RYR2: variants seen among roughly 807,000 people sequenced by gnomAD.
RYR2 encodes the protein ryanodine receptor 2, also known as cardiac muscle ryanodine receptor-calcium release channel.
Under a neutral mutation model 601.1 loss-of-function variants are expected in RYR2, and 227 were observed. The observed-to-expected ratio is 0.38, with a 90% CI of 0.34 to 0.42. The LOEUF is 0.42. Among genes scored for constraint, RYR2 ranks in the 10% least tolerant of loss-of-function variants. The pLI, the probability that RYR2 is intolerant of heterozygous loss-of-function variation, is 1.00. For synonymous variants in RYR2, 2,223 were observed against 2,175.1 expected, an observed-to-expected ratio of 1.02 and a Z score of -0.61; for missense variants, 4,646 against 6,156.5, an observed-to-expected ratio of 0.75 and a Z score of 8.21.
chr1:237,135,897 G>A (rs1451802905), intron 1 of RYR2, among the ~76,000 whole-genome samples: 1 of 152,196 alleles, frequency 6.6e-6, no homozygotes, highest in Non-Finnish European at 1.5e-5. Flanking sequence ...GTGTGCAGGG[G>A]CATTAGTCTG....
chr1:237,736,189 G>A (rs1691125133), intron 79 of RYR2, among the ~76,000 whole-genome samples: 1 of 152,012 alleles, frequency 6.6e-6, no homozygotes, highest in Non-Finnish European at 1.5e-5. Context: ...GGCTGGGCAC[G>A]GTGGCTCACA....
At chr1:237,139,840 G>T (rs1269200403) in intron 1 of RYR2, among the ~76,000 whole-genome samples, 1 of 152,226 alleles carries the variant, frequency 6.6e-6, no homozygotes, top group Non-Finnish European at 1.5e-5. Context: ...CTATGGTACT[G>T]AAACTATGGT....
intron 1 of RYR2, among the ~76,000 whole-genome samples, chr1:237,099,077 C>A (rs560537672): frequency 4.1e-4 from 61 of 148,162 alleles, no homozygotes; most frequent in African/African-American, 1.4e-3. Flanking sequence ...TAAAGATCAT[C>A]TTTCAGCAGT....
chr1:237,336,992 T>C (rs1327486370), intron 3 of RYR2, among the ~76,000 whole-genome samples: 2 of 152,122 alleles, frequency 1.3e-5, no homozygotes, highest in Non-Finnish European at 2.9e-5. Flanking sequence ...GGCTCACACC[T>C]GTCATCCCAG....
At chr1:237,552,473 A>G (rs1670497636) in intron 27 of RYR2, among the ~76,000 whole-genome samples, 1 of 152,108 alleles carries the variant, frequency 6.6e-6, no homozygotes, top group Non-Finnish European at 1.5e-5. Context: ...AGTTGTAGAA[A>G]CAAAAGGAAC....
intron 88 of RYR2, 111 bp from the exon 89 acceptor site, chr1:237,781,454 C>A: frequency 3.3e-6 from 2 of 609,230 alleles, no homozygotes; most frequent in South Asian, 4.5e-5. Context: ...CATAATGCTT[C>A]AAGTGGTTAC....
chr1:237,638,877 G>T, intron 45 of RYR2, 138 bp from the exon 46 acceptor site: 1 of 1,027,226 alleles, frequency 9.7e-7, no homozygotes, highest in Admixed American at 2.4e-5. Context: ...CTAGCAATTA[G>T]GATTACATTT....
Position 237,756,306 on chromosome 1 carries a change from C to T in RYR2, c.11164C>T (p.Gln3722Ter), listed in dbSNP as rs2149261821. 2 of 1,612,958 alleles carry T rather than the reference C, an allele frequency of 1.2e-6. No individual in the cohort carries two copies. Among genetic ancestry groups the T allele is most frequent in the Non-Finnish European group, 1.7e-6 (2 of 1,179,128 alleles). Residue 3722 changes from glutamine to a stop codon, truncating the protein, a stop_gained, in exon 81 of 105, where the codon CAA becomes TAA. Coordinates refer to ENST00000366574, the MANE Select transcript of RYR2 (RefSeq NM_001035.3). LOFTEE classifies it high-confidence loss of function. ...TGTTCAGGAAAAAGAAATGGAAAAG[C>T]AAAAGCTTCTATACCAGCAAGCCCG... ...KSFEEKEMEK[Q>*]KLLYQQARLH... is the part of the protein sequence containing the mutation.
At position 237,284,683 on chromosome 1, in the gene RYR2, T is replaced by TCACACACACACACAC. The variant is rs141656042; in HGVS notation, c.168+14067_168+14068insCACACACACACACAC. Among the ~76,000 whole-genome samples, 1,335 of 143,582 alleles carry TCACACACACACACAC rather than the reference T, an allele frequency of 9.3e-3. 22 individuals are homozygous for TCACACACACACACAC. The highest frequency in any genetic ancestry group is 0.031 in the African/African-American group (1,194 of 38,398). 94.2% of individuals were successfully genotyped at this position (143,582 alleles called of 152,430 possible). ...ATTCCACCATATATATATATATATGTACACACACACACACCCATAAACACC... is the reference window on the plus strand; with the variant it reads ...ATTCCACCATATATATATATATATGTCACACACACACACACACACACACACACACCCATAAACACC... On this transcript the variant is annotated intron_variant, in intron 2 of 104. Transcript: ENST00000366574.
intron 1 of RYR2, among the ~76,000 whole-genome samples, chr1:237,223,858 T>C (rs552200795): frequency 5.9e-5 from 9 of 152,330 alleles, no homozygotes; most frequent in African/African-American, 2.2e-4. Context: ...GGAGTGCACT[T>C]CCAGAATTTT....
intron 17 of RYR2, chr1:237,471,050 A>G (rs1660667186): frequency 6.5e-6 from 1 of 154,482 alleles, no homozygotes; most frequent in Non-Finnish European, 1.5e-5. Flanking sequence ...TCGGTATGAC[A>G]TTTGCATAGG....
At chr1:237,751,202 G>T (rs1692508677) in intron 80 of RYR2, among the ~76,000 whole-genome samples, 2 of 152,166 alleles carry the variant, frequency 1.3e-5, no homozygotes, top group Non-Finnish European at 2.9e-5. Context: ...GTCAGGCTAT[G>T]CCAGGAGAGA....
chr1:237,600,102 C>G (rs546336947), intron 34 of RYR2, among the ~76,000 whole-genome samples: 57 of 152,108 alleles, frequency 3.7e-4, no homozygotes, highest in African/African-American at 1.3e-3. Context: ...TATGAAATCA[C>G]AAAAGACCCC....
chr1:237,821,899 A>G (rs1462696385), intron 101 of RYR2, among the ~76,000 whole-genome samples: 2 of 151,796 alleles, frequency 1.3e-5, no homozygotes, highest in Non-Finnish European at 2.9e-5. Flanking sequence ...CAATAGCCGA[A>G]TCAATCAAGC....
intron 3 of RYR2, among the ~76,000 whole-genome samples, chr1:237,331,862 CTATTTGGTTATTT>C (rs1223066872): frequency 6.6e-6 from 1 of 152,002 alleles, no homozygotes; most frequent in Non-Finnish European, 1.5e-5. Flanking sequence ...CTTTCAAAGC[CTATTTGGTTATTT>C]TATTTTCAAT....
chr1:237,144,907 G>A (rs536104873), intron 1 of RYR2, among the ~76,000 whole-genome samples: 5 of 152,170 alleles, frequency 3.3e-5, no homozygotes, highest in South Asian at 2.1e-4. Flanking sequence ...ACCCTCAGAC[G>A]TCCCCTAACC....
intron 58 of RYR2, among the ~76,000 whole-genome samples, chr1:237,672,424 T>C (rs1685033876): frequency 6.6e-6 from 1 of 152,202 alleles, no homozygotes; most frequent in Admixed American, 6.5e-5. Context: ...TTGATTAAAT[T>C]AGGGTGATGG....
intron 3 of RYR2, among the ~76,000 whole-genome samples, chr1:237,344,744 G>A (rs1374369394): frequency 2.0e-5 from 3 of 152,152 alleles, no homozygotes; most frequent in Non-Finnish European, 4.4e-5. Context: ...TTTGTTCAAT[G>A]TCCATTCTTT....
intron 14 of RYR2, among the ~76,000 whole-genome samples, chr1:237,447,999 C>T (rs1657594743): frequency 6.6e-6 from 1 of 151,484 alleles, no homozygotes; most frequent in African/African-American, 2.4e-5. Context: ...CCTATCTCTG[C>T]TCACTGCAAC....
Sources: allele counts gnomAD v4.1 joint callset (sites outside exome capture counted in the v4.1 genomes callset), GRCh38; gene constraint gnomAD v4.1.1; transcripts MANE v1.5; gene names NCBI Gene and HGNC (gene_info 2026-07-23, HGNC 2026-07-21).